Variants in BRWD1 observed in about 807,000 individuals in gnomAD.
BRWD1 encodes the protein bromodomain and WD repeat domain containing 1, also known as bromodomain and WD repeat-containing protein 1.
BRWD1 carries 82 observed loss-of-function variants against 251.2 expected under a neutral mutation model. The ratio of observed to expected loss-of-function variants is 0.33; its 90% confidence interval spans 0.27 to 0.39. The LOEUF is 0.39. Among genes scored for constraint, BRWD1 ranks in the 10% least tolerant of loss-of-function variants. BRWD1 has a pLI of 1.00. For synonymous variants in BRWD1, 918 were observed against 902.8 expected, an observed-to-expected ratio of 1.02 and a Z score of -0.30; for missense variants, 2,233 against 2,711.6, an observed-to-expected ratio of 0.82 and a Z score of 3.92.
chr21:39,260,081 TTA>T (rs1001977068), intron 17 of BRWD1, among the ~76,000 whole-genome samples: 24 of 152,166 alleles, frequency 1.6e-4, no homozygotes, highest in African/African-American at 5.6e-4. Flanking sequence ...GAGCTAAATG[TTA>T]TATCTCATAT....
rs2031306330 is a variant in BRWD1, at chr21:39,187,466, A to G, written c.*8793T>C. On this transcript the variant is annotated 3_prime_UTR_variant, in exon 41 of 41. Coordinates refer to ENST00000342449, the MANE Select transcript of BRWD1 (RefSeq NM_033656.4). Reference sequence around the variant, plus strand: ...GTAAATGCAAAAATCTTGTAACACAAGATTTTACTACTGCTAACATTCCTC... The same window carrying G: ...GTAAATGCAAAAATCTTGTAACACAGGATTTTACTACTGCTAACATTCCTC... 6.6e-7 allele frequency: 1 copy of G among 1,509,934 alleles called. No individual in the cohort carries two copies. Among genetic ancestry groups the G allele is most frequent in the Admixed American group, 2.4e-5 (1 of 42,120 alleles). 93.5% of individuals were successfully genotyped at this position (1,509,934 alleles called of 1,614,324 possible). A position where few individuals can be genotyped will look rare whatever the true frequency, so the allele number is the denominator to read the frequency against.
chr21:39,198,353 T>C (rs2031928924), intron 40 of BRWD1, among the ~76,000 whole-genome samples: 1 of 152,218 alleles, frequency 6.6e-6, no homozygotes, highest in African/African-American at 2.4e-5. Flanking sequence ...ACTGTTTTAT[T>C]TGCTATTACT....
upstream of BRWD1, chr21:39,315,781 A>C (rs551082045): frequency 6.6e-6 from 1 of 151,972 alleles, no homozygotes; most frequent in African/African-American, 2.4e-5. Context: ...CAGCTTTGCC[A>C]TCAAAGACTT....
intron 8 of BRWD1, among the ~76,000 whole-genome samples, chr21:39,288,672 A>G (rs774927794): frequency 2.6e-5 from 4 of 152,166 alleles, no homozygotes; most frequent in Non-Finnish European, 5.9e-5. Flanking sequence ...ATTAACACAT[A>G]TTTTTGTATA....
chr21:39,249,911 GGGGGGT>G (rs1278715635), intron 20 of BRWD1, among the ~76,000 whole-genome samples: 1 of 34,340 alleles, frequency 2.9e-5, no homozygotes, highest in Non-Finnish European at 6.8e-5. Flanking sequence ...AAAAAAAGAA[GGGGGGT>G]GTGTGTGTGT....
intron 15 of BRWD1, among the ~76,000 whole-genome samples, chr21:39,267,684 C>T (rs1263605004): frequency 1.3e-5 from 2 of 152,134 alleles, no homozygotes; most frequent in East Asian, 3.8e-4. Context: ...CATATAAAGC[C>T]TTAACAGTGC....
chr21:39,216,112 C>T (rs915186810), intron 31 of BRWD1, among the ~76,000 whole-genome samples: 1 of 152,092 alleles, frequency 6.6e-6, no homozygotes, highest in Non-Finnish European at 1.5e-5. Flanking sequence ...TAAATTACGT[C>T]GATAATGTGG....
upstream of BRWD1, among the ~76,000 whole-genome samples, chr21:39,315,553 G>C (rs1198662059): frequency 6.6e-6 from 1 of 151,918 alleles, no homozygotes; most frequent in Non-Finnish European, 1.5e-5. Context: ...AGAATCGCTT[G>C]AACCCCGGAG....
chr21:39,250,815 GTCTT>G lies in BRWD1; in HGVS notation c.2326_2329del (p.Lys776LeufsTer49). ...GGTTACCTTATGTGAGAGCTGAAGA[GTCTT>G]TCTTTTTCTTCCTATTATATAAAGA... On this transcript the variant is annotated frameshift_variant, in exon 20 of 41. Transcript: ENST00000342449. LOFTEE classifies it high-confidence loss of function. 1 of 1,594,186 alleles carries G rather than the reference GTCTT, an allele frequency of 6.3e-7. No individual in the cohort carries two copies. The highest frequency in any genetic ancestry group is 8.5e-7 in the Non-Finnish European group (1 of 1,170,614).
chr21:39,255,159 C>A (rs1475068850), intron 19 of BRWD1, among the ~76,000 whole-genome samples: 2 of 152,034 alleles, frequency 1.3e-5, no homozygotes, highest in South Asian at 2.1e-4. Context: ...GCCTGTAATC[C>A]CAGCACACTG....
At chr21:39,255,363 G>T (rs1340147164) in intron 19 of BRWD1, among the ~76,000 whole-genome samples, 1 of 151,698 alleles carries the variant, frequency 6.6e-6, no homozygotes, top group African/African-American at 2.4e-5. Flanking sequence ...AGTGAGCCGA[G>T]ATCATGCCAC....
At chr21:39,205,653 T>C (rs1400872050) in intron 37 of BRWD1, among the ~76,000 whole-genome samples, 1 of 151,980 alleles carries the variant, frequency 6.6e-6, no homozygotes, top group East Asian at 1.9e-4. Flanking sequence ...GTACCTGTAG[T>C]CCCAACTACT....
chr21:39,300,249 G>A (rs1298391127), intron 4 of BRWD1, among the ~76,000 whole-genome samples: 1 of 152,152 alleles, frequency 6.6e-6, no homozygotes, highest in Non-Finnish European at 1.5e-5. Flanking sequence ...TGGAAGAAAT[G>A]CACTGTAGTG....
In BRWD1 at chr21:39,188,934, C is replaced by G. The variant is rs1364443301; in HGVS notation, c.*7325G>C. On this transcript the variant is annotated 3_prime_UTR_variant, in exon 41 of 41. Transcript: ENST00000342449. ...GTAAGACACTCATCACGGCATTACT[C>G]TCATGCAGCATGCCCTTACCTCCTT... is the stretch of plus-strand genomic sequence containing the variant. 4.1e-6 allele frequency: 4 copies of G among 985,252 alleles called. No homozygotes were observed. The highest frequency in any genetic ancestry group is 4.8e-6 in the Non-Finnish European group (4 of 829,924). The allele number at this position is 985,252 out of a possible 1,614,324, so 61.0% of individuals were successfully genotyped here.
At chr21:39,232,555 C>T in intron 23 of BRWD1, 57 bp from the exon 24 acceptor site, 2 of 1,544,064 alleles carry the variant, frequency 1.3e-6, no homozygotes, top group East Asian at 2.3e-5. Context: ...CATGCACTGT[C>T]TGAATGAAAA....
chr21:39,241,832 A>G (rs1047318164), intron 21 of BRWD1, among the ~76,000 whole-genome samples: 12 of 152,178 alleles, frequency 7.9e-5, no homozygotes, highest in African/African-American at 2.2e-4. Context: ...AGTAATTACC[A>G]TATTTCAAAC....
At chr21:39,265,360 G>A (rs2034887780) in intron 15 of BRWD1, among the ~76,000 whole-genome samples, 2 of 152,126 alleles carry the variant, frequency 1.3e-5, no homozygotes, top group Admixed American at 6.5e-5. Flanking sequence ...GGGAGGCAGG[G>A]GTTGCAGTGA....
chr21:39,311,066 G>C (rs1374513002), intron 4 of BRWD1, among the ~76,000 whole-genome samples: 4 of 150,644 alleles, frequency 2.7e-5, no homozygotes, highest in African/African-American at 1.0e-4. Context: ...ATATGTCATA[G>C]CCAAATCACA....
chr21:39,290,203 A>G (rs936488799), intron 8 of BRWD1, among the ~76,000 whole-genome samples: 5 of 151,556 alleles, frequency 3.3e-5, no homozygotes, highest in Non-Finnish European at 7.4e-5. Flanking sequence ...AAAATCACCC[A>G]CTGAGGTTGG....
Sources: gnomAD v4.1 joint callset for allele counts (sites outside exome capture counted in the v4.1 genomes callset) on GRCh38, gnomAD v4.1.1 for gene constraint, MANE v1.5 for transcripts, NCBI Gene and HGNC (gene_info 2026-07-23, HGNC 2026-07-21) for gene names.